The following DYNC2I2 variants were observed in gnomAD, a reference collection of about 807,000 sequenced individuals.
DYNC2I2 encodes the protein dynein 2 intermediate chain 2.
DYNC2I2 carries 39 observed loss-of-function variants against 52.0 expected under a neutral mutation model. That is an observed-to-expected ratio of 0.75 (90% CI 0.58 to 0.98). The LOEUF (loss-of-function observed/expected upper bound fraction) is 0.98, where lower values mean the gene tolerates loss of function less well. DYNC2I2 is among the 50% of genes least tolerant of loss of function. DYNC2I2 has a pLI of 0.00. For missense variants in DYNC2I2, 743 were observed against 728.4 expected (o/e 1.02, Z -0.23); for synonymous variants, 359 against 321.1 (o/e 1.12, Z -1.26).
chr9:128,648,804 A>C (rs1338128014), intron 1 of DYNC2I2, among the ~76,000 whole-genome samples: 1 of 149,042 alleles, frequency 6.7e-6, no homozygotes, highest in African/African-American at 2.5e-5. Context: ...CGTTTCAAAA[A>C]AAAAAAAAAG....
upstream of DYNC2I2, among the ~76,000 whole-genome samples, chr9:128,657,201 C>G (rs1860849552): frequency 1.3e-5 from 2 of 152,218 alleles, no homozygotes; most frequent in African/African-American, 4.8e-5. Flanking sequence ...TCCTCAGTCT[C>G]TGTCTCAATA....
chr9:128,636,186 G>C (rs757960860), intron 4 of DYNC2I2, 95 bp downstream of exon 4: 7 of 1,530,568 alleles, frequency 4.6e-6, no homozygotes, highest in Middle Eastern at 1.8e-4. Flanking sequence ...TCCTGTCTCC[G>C]GGCCAAAGGG....
chr9:128,667,344 G>T, the DYNC2I2 span, among the ~76,000 whole-genome samples: 1 of 151,840 alleles, frequency 6.6e-6, no homozygotes, highest in African/African-American at 2.4e-5. Flanking sequence ...TTTTTTTATT[G>T]AGATGGAGTC....
chr9:128,678,917 A>T, the DYNC2I2 span, among the ~76,000 whole-genome samples: 1 of 152,066 alleles, frequency 6.6e-6, no homozygotes, highest in South Asian at 2.1e-4. Context: ...AAAATACAAA[A>T]AATTAGCCGG....
At chr9:128,664,645 C>T in the DYNC2I2 span, among the ~76,000 whole-genome samples, 7 of 151,852 alleles carry the variant, frequency 4.6e-5, no homozygotes, top group African/African-American at 1.7e-4. Flanking sequence ...CCACCACGCC[C>T]AACTAATTTT....
intron 1 of DYNC2I2, among the ~76,000 whole-genome samples, chr9:128,653,408 TC>T (rs2132181582): frequency 6.7e-6 from 1 of 148,968 alleles, no homozygotes; most frequent in East Asian, 2.0e-4. Flanking sequence ...CGAAACCCCG[TC>T]ACTACTAAAA....
At chr9:128,636,035 C>T in intron 4 of DYNC2I2, 3 of 726,602 alleles carry the variant, frequency 4.1e-6, no homozygotes, top group Admixed American at 2.3e-5. Flanking sequence ...CCAAGGGCAC[C>T]TGCCTCTTCT....
intron 7 of DYNC2I2, 75 bp downstream of exon 7, chr9:128,634,614 T>C: frequency 7.0e-7 from 1 of 1,421,764 alleles, no homozygotes; most frequent in Non-Finnish European, 9.4e-7. Context: ...CAGTTTGTCA[T>C]GAGGCTTGGC....
chr9:128,635,913 G>C, intron 4 of DYNC2I2, 146 bp from the exon 5 acceptor site: 1 of 758,468 alleles, frequency 1.3e-6, no homozygotes, highest in Non-Finnish European at 2.2e-6. Context: ...CACAGAGGGA[G>C]AGTCCTAGCC....
chr9:128,634,080 G>A, intron 8 of DYNC2I2, 98 bp from the exon 9 acceptor site: 1 of 1,552,268 alleles, frequency 6.4e-7, no homozygotes, highest in South Asian at 1.2e-5. Flanking sequence ...GTTGTGTGCA[G>A]CCACAGTGGC....
At chr9:128,661,390 G>A (rs1486036057), upstream of DYNC2I2, among the ~76,000 whole-genome samples, 2 of 146,386 alleles carry the variant, frequency 1.4e-5, no homozygotes, top group African/African-American at 5.0e-5. Flanking sequence ...AGGCCGAGGT[G>A]GGCAGATCAC....
the DYNC2I2 span, among the ~76,000 whole-genome samples, chr9:128,675,565 A>C: frequency 6.6e-6 from 1 of 152,188 alleles, no homozygotes; most frequent in African/African-American, 2.4e-5. Context: ...GGGAGGATTC[A>C]AAAGGGTAAT....
chr9:128,659,537 G>A (rs1860894294), upstream of DYNC2I2, among the ~76,000 whole-genome samples: 1 of 151,234 alleles, frequency 6.6e-6, no homozygotes, highest in Non-Finnish European at 1.5e-5. Context: ...ACTAAGGTCT[G>A]GTGTGGTGGC....
upstream of DYNC2I2, among the ~76,000 whole-genome samples, chr9:128,658,818 G>A (rs989693421): frequency 1.4e-5 from 2 of 143,290 alleles, no homozygotes; most frequent in Non-Finnish European, 3.0e-5. Context: ...CAACCTCTCC[G>A]GGCTCAGGCC....
At chr9:128,662,232 T>TG in the DYNC2I2 span, among the ~76,000 whole-genome samples, 5 of 150,106 alleles carry the variant, frequency 3.3e-5, no homozygotes, top group African/African-American at 4.9e-5. Context: ...GACTCCGTCT[T>TG]GGGGAAAAAA....
At chr9:128,646,824 G>A (rs1036619596) in intron 1 of DYNC2I2, among the ~76,000 whole-genome samples, 2 of 152,154 alleles carry the variant, frequency 1.3e-5, no homozygotes, top group Admixed American at 1.3e-4. Context: ...CTCTACAAAA[G>A]ATTTAAAAAT....
At chr9:128,636,846 A>T in intron 3 of DYNC2I2, 72 bp downstream of exon 3, 1 of 1,180,162 alleles carries the variant, frequency 8.5e-7, no homozygotes, top group Non-Finnish European at 1.2e-6. Context: ...TTCCCTGTGC[A>T]GCTACAGAGA....
intron 1 of DYNC2I2, among the ~76,000 whole-genome samples, chr9:128,642,708 T>C (rs1444950670): frequency 6.6e-6 from 1 of 151,984 alleles, no homozygotes. Context: ...TGAGCCGAGA[T>C]TGTGCCACTG....
In DYNC2I2 at chr9:128,633,814, G is replaced by C. The variant is rs969885988; in HGVS notation, c.1541C>G (p.Thr514Arg). The C allele has an allele frequency of 6.2e-7, 1 of 1,613,412 alleles. No homozygotes were observed. Among genetic ancestry groups the C allele is most frequent in the Non-Finnish European group, 8.5e-7 (1 of 1,180,030 alleles). Residue 514 changes from threonine (T) to arginine (R), a missense_variant, in exon 9 of 9, where the codon ACA becomes AGA. Coordinates refer to ENST00000372715, the MANE Select transcript of DYNC2I2 (RefSeq NM_052844.4). The stretch of plus-strand genomic sequence containing the variant: ...CCGGGGCCCTTGTTCCGTGAACTCT[G>C]TGCTCAGCTGCCACACCTTCACTGT... Reference protein sequence around the residue: ...QGTVKVWQLSTEFTEQGPREA... With the variant: ...QGTVKVWQLSREFTEQGPREA...
Sources: allele counts gnomAD v4.1 joint callset (sites outside exome capture counted in the v4.1 genomes callset), GRCh38; gene constraint gnomAD v4.1.1; transcripts MANE v1.5; gene names NCBI Gene and HGNC (gene_info 2026-07-23, HGNC 2026-07-21).